Variants in AGMO observed in about 807,000 individuals in gnomAD.
AGMO encodes the protein glyceryl-ether monooxygenase.
A neutral mutation model predicts 60.2 loss-of-function variants in AGMO; 75 were observed. That is an observed-to-expected ratio of 1.25 (90% CI 1.03 to 1.51). The LOEUF (loss-of-function observed/expected upper bound fraction) is 1.51. Among genes scored for constraint, AGMO ranks in the 40% most tolerant of loss-of-function variants. AGMO has a pLI of 0.00. For missense variants in AGMO, 763 were observed against 525.5 expected, an observed-to-expected ratio of 1.45 and a Z score of -4.42; for synonymous variants, 261 against 177.1, an observed-to-expected ratio of 1.47 and a Z score of -3.76.
At chr7:15,508,819 A>G (rs2128529114) in intron 3 of AGMO, among the ~76,000 whole-genome samples, 1 of 152,332 alleles carries the variant, frequency 6.6e-6, no homozygotes, top group Admixed American at 6.5e-5. Context: ...AGTCATGTAA[A>G]TAATAATGTA....
intron 2 of AGMO, among the ~76,000 whole-genome samples, chr7:15,558,763 A>T (rs911888835): frequency 4.6e-5 from 7 of 152,100 alleles, no homozygotes; most frequent in African/African-American, 1.7e-4. Flanking sequence ...TTTTAAGTTT[A>T]CTTTTATTTA....
intron 12 of AGMO, among the ~76,000 whole-genome samples, chr7:15,344,472 G>C (rs1781964609): frequency 6.6e-6 from 1 of 152,188 alleles, no homozygotes; most frequent in Non-Finnish European, 1.5e-5. Flanking sequence ...GGCCGAGGCA[G>C]ATGGACTGCT....
At chr7:15,371,032 T>A (rs1275791068) in intron 10 of AGMO, among the ~76,000 whole-genome samples, 1 of 152,108 alleles carries the variant, frequency 6.6e-6, no homozygotes, top group East Asian at 1.9e-4. Flanking sequence ...CCTTATTCAG[T>A]AAGTGGTAGA....
At chr7:15,274,416 A>G (rs1783716063) in intron 12 of AGMO, among the ~76,000 whole-genome samples, 1 of 152,194 alleles carries the variant, frequency 6.6e-6, no homozygotes, top group South Asian at 2.1e-4. Context: ...ATGCTGGATT[A>G]CGTTTATTGA....
At chr7:15,558,391 C>T (rs1385327188) in intron 2 of AGMO, among the ~76,000 whole-genome samples, 1 of 151,982 alleles carries the variant, frequency 6.6e-6, no homozygotes, top group African/African-American at 2.4e-5. Context: ...TATCAATAAT[C>T]TGATTTCCAT....
chr7:15,554,036 G>T (rs1054357216), intron 2 of AGMO, among the ~76,000 whole-genome samples: 1 of 152,078 alleles, frequency 6.6e-6, no homozygotes, highest in African/African-American at 2.4e-5. Context: ...TGAAACAATA[G>T]CCATGGAGTG....
At chr7:15,286,233 A>G (rs955203670) in intron 12 of AGMO, among the ~76,000 whole-genome samples, 16 of 152,152 alleles carry the variant, frequency 1.1e-4, no homozygotes, top group African/African-American at 3.6e-4. Context: ...GGACCTAATT[A>G]AACGAAAAAG....
intron 12 of AGMO, among the ~76,000 whole-genome samples, chr7:15,227,470 T>G (rs920601836): frequency 5.3e-5 from 8 of 149,616 alleles, no homozygotes; most frequent in Admixed American, 1.3e-4. Context: ...GTGAAAACGG[T>G]GACAAATATA....
chr7:15,202,458 CAAAA>C (rs71004370), intron 12 of AGMO, among the ~76,000 whole-genome samples: 28 of 45,362 alleles, frequency 6.2e-4, no homozygotes, highest in African/African-American at 1.5e-3. Context: ...TACAAATGAG[CAAAA>C]AAAAAAAAAA....
chr7:15,355,787 C>G (rs1782509311), intron 12 of AGMO, among the ~76,000 whole-genome samples: 1 of 151,920 alleles, frequency 6.6e-6, no homozygotes, highest in Non-Finnish European at 1.5e-5. Context: ...AAATAAAAAC[C>G]ATTTGCGTGC....
rs191939116 is a variant in AGMO at position 15,213,279 on chromosome 7, C to G, written c.1264-11920G>C. ...TAGAAAAAACATTGGCTGAGCACCA[C>G]GAAATGTGGACTCTCATCCTTTGGG... On this transcript the variant is annotated intron_variant, in intron 12 of 12. Coordinates refer to ENST00000342526, the MANE Select transcript of AGMO (RefSeq NM_001004320.2). Among the ~76,000 whole-genome samples, 550 of 151,750 alleles carry G rather than the reference C, an allele frequency of 3.6e-3. 1 individual carries two copies. The highest frequency in any genetic ancestry group is 6.1e-3 in the Non-Finnish European group (415 of 67,796).
chr7:15,441,302 A>G (rs533128301), intron 3 of AGMO, among the ~76,000 whole-genome samples: 1 of 152,350 alleles, frequency 6.6e-6, no homozygotes, highest in Admixed American at 6.5e-5. Context: ...AGTTATCAGT[A>G]CTACATTATA....
At chr7:15,277,815 T>C (rs1199724194) in intron 12 of AGMO, among the ~76,000 whole-genome samples, 2 of 152,200 alleles carry the variant, frequency 1.3e-5, no homozygotes. Flanking sequence ...CCGAGTTTCC[T>C]GTTCAGTGCA....
intron 3 of AGMO, among the ~76,000 whole-genome samples, chr7:15,506,654 G>T (rs1301737701): frequency 6.6e-6 from 1 of 152,010 alleles, no homozygotes. Flanking sequence ...TATTGTACCT[G>T]AAATAGTCTT....
At chr7:15,190,599 G>A in the AGMO span, among the ~76,000 whole-genome samples, 1 of 151,988 alleles carries the variant, frequency 6.6e-6, no homozygotes, top group African/African-American at 2.4e-5. Flanking sequence ...TCCATTTTTT[G>A]CATTAGAATT....
At chr7:15,206,981 C>G (rs1016303633) in intron 12 of AGMO, among the ~76,000 whole-genome samples, 3 of 152,110 alleles carry the variant, frequency 2.0e-5, no homozygotes, top group Non-Finnish European at 4.4e-5. Context: ...CGCATTATTT[C>G]AGTTCCCTAA....
the AGMO span, among the ~76,000 whole-genome samples, chr7:15,161,128 G>A: frequency 6.6e-6 from 1 of 152,196 alleles, no homozygotes; most frequent in African/African-American, 2.4e-5. Flanking sequence ...CCTCTCATTA[G>A]GCCACACATC....
In AGMO at chr7:15,294,744, A is replaced by G. The variant is rs1212154377; in HGVS notation, c.1263+70770T>C. ...TGAGAATTGTTCGAGACTTATTAAA[A>G]TATTCTAAAGTGTATCTAGAGATTT... is the stretch of plus-strand genomic sequence containing the variant. On this transcript the variant is annotated intron_variant, in intron 12 of 12. Coordinates refer to ENST00000342526, the MANE Select transcript of AGMO (RefSeq NM_001004320.2). Among the ~76,000 whole-genome samples, 7 of 152,084 alleles carry G rather than the reference A, an allele frequency of 4.6e-5. No homozygotes were observed. In the East Asian group the frequency reaches 1.4e-3, roughly 29 times the overall value.
At position 15,530,500 on chromosome 7, in the gene AGMO, T is replaced by C. The variant is rs1440561927; in HGVS notation, c.409+14272A>G. 7.0e-5 allele frequency among the ~76,000 whole-genome samples: 4 copies of C among 57,286 alleles called. No individual in the cohort carries two copies. In the East Asian group the frequency reaches 4.5e-3, roughly 64 times the overall value. The allele number at this position is 57,286 out of a possible 152,430, so 37.6% of individuals were successfully genotyped here. On this transcript the variant is annotated intron_variant, in intron 3 of 12. Coordinates refer to ENST00000342526, the MANE Select transcript of AGMO (RefSeq NM_001004320.2). Reference sequence around the variant, plus strand: ...TACGTATTTCTATATATATTCTATATACGTATTTCTATATATATATTCTAT... The same window carrying C: ...TACGTATTTCTATATATATTCTATACACGTATTTCTATATATATATTCTAT...
Sources: gnomAD v4.1 joint callset for allele counts (sites outside exome capture counted in the v4.1 genomes callset) on GRCh38, gnomAD v4.1.1 for gene constraint, MANE v1.5 for transcripts, NCBI Gene and HGNC (gene_info 2026-07-23, HGNC 2026-07-21) for gene names.